Variants in RAD50 observed in about 807,000 individuals in gnomAD.
RAD50 encodes the protein RAD50 double strand break repair protein.
A neutral mutation model predicts 168.8 loss-of-function variants in RAD50; 132 were observed. That is an observed-to-expected ratio of 0.78 (90% confidence interval 0.68 to 0.90). RAD50 has a LOEUF of 0.90. Among genes scored for constraint, RAD50 ranks in the 40% least tolerant of loss-of-function variants. The pLI, the probability that RAD50 is intolerant of heterozygous loss-of-function variation, is 0.00. For synonymous variants in RAD50, 525 were observed against 497.4 expected (o/e 1.06, Z -0.74); for missense variants, 1,347 against 1,534.4 (o/e 0.88, Z 2.04).
At chr5:132,638,049 G>A (rs560211851) in intron 22 of RAD50, 32 bp from the exon 23 acceptor site, 3 of 1,610,002 alleles carry the variant, frequency 1.9e-6, no homozygotes, top group East Asian at 4.5e-5. Context: ...CAGAGCATAG[G>A]TTCCTCTAAA....
At chr5:132,596,150 C>T (rs1287522261) in intron 13 of RAD50, among the ~76,000 whole-genome samples, 1 of 152,068 alleles carries the variant, frequency 6.6e-6, no homozygotes, top group African/African-American at 2.4e-5. Context: ...TGTACCACCA[C>T]GCCCAGCTAA....
chr5:132,631,759 G>A (rs1751478727), intron 21 of RAD50, among the ~76,000 whole-genome samples: 1 of 152,176 alleles, frequency 6.6e-6, no homozygotes, highest in African/African-American at 2.4e-5. Flanking sequence ...AGGCTGGAGT[G>A]CAGTGCTATG....
In RAD50 at chr5:132,580,031, GT is replaced by G; in HGVS notation, c.722del (p.Val241AlafsTer11). 6.2e-7 allele frequency: 1 copy of G among 1,613,080 alleles called. No individual in the cohort carries two copies. The highest frequency in any genetic ancestry group is 1.7e-5 in the Admixed American group (1 of 60,016). On this transcript the variant is annotated frameshift_variant, in exon 5 of 25. Transcript: ENST00000378823. LOFTEE classifies it high-confidence loss of function. The part of the protein sequence containing the change: ...EAQLTSSKEI[V>X]KSYENELDPL... ...CCAGTTAACATCTTCAAAGGAAATT[GT>G]CAAATCCTATGAGAATGAACTTGAT...
intron 19 of RAD50, among the ~76,000 whole-genome samples, chr5:132,615,091 A>G (rs916506614): frequency 2.0e-5 from 3 of 152,318 alleles, no homozygotes; most frequent in Admixed American, 2.0e-4. Flanking sequence ...TAAGTTTTCT[A>G]TACACATGAT....
Position 132,587,722 on chromosome 5 carries a change from A to G in RAD50, c.885+32A>G, listed in dbSNP as rs368666560. On this transcript the variant is annotated intron_variant, in intron 6 of 24. Coordinates refer to ENST00000378823, the MANE Select transcript of RAD50 (RefSeq NM_005732.4). ...GGTGGTAGAATTTTGTTCTGCTTCA[A>G]AATTTTGGGATTATTGTAATGAACT... 17 of 1,612,970 alleles carry G rather than the reference A, an allele frequency of 1.1e-5. No individual in the cohort carries two copies. The African/African-American group carries it at 1.1e-4, about 10-fold the overall frequency.
Position 132,618,083 on chromosome 5 carries a change from T to A in RAD50, c.3178T>A (p.Leu1060Met), listed in dbSNP as rs864622614. 27 of 1,613,020 alleles carry A rather than the reference T, an allele frequency of 1.7e-5. No homozygotes were observed. The highest frequency in any genetic ancestry group is 2.2e-5 in the Non-Finnish European group (26 of 1,179,432). The change falls in exon 21 of 25, where the codon TTG becomes ATG. Residue 1060 changes from leucine (L) to methionine (M), a missense_variant. Leu to Met is a conservative substitution (Grantham distance 15). Around this residue, in one of 3 missense-constraint regions of RAD50, gnomAD observed 635 missense variants for 739.2 expected, o/e 0.86. Transcript: ENST00000378823. The stretch of plus-strand genomic sequence containing the variant: ...TCTTTTTTACAGTGAACATCAGAAG[T>A]TGGAAGAGAACATAGACAATATAAA... ...VLQMKSEHQKLEENIDNIKRN... is the reference protein window; with the variant it reads ...VLQMKSEHQKMEENIDNIKRN...
chr5:132,576,635 C>A (rs1233738852), intron 3 of RAD50, among the ~76,000 whole-genome samples: 1 of 152,188 alleles, frequency 6.6e-6, no homozygotes, highest in Non-Finnish European at 1.5e-5. Context: ...ACTCAAGTAT[C>A]TCTCATACCC....
chr5:132,572,106 C>T (rs1750317208), intron 2 of RAD50, among the ~76,000 whole-genome samples: 1 of 152,034 alleles, frequency 6.6e-6, no homozygotes, highest in Non-Finnish European at 1.5e-5. Flanking sequence ...TAATTTGCCA[C>T]AGTAATAGAA....
chr5:132,573,485 A>T (rs1455939960), intron 2 of RAD50, among the ~76,000 whole-genome samples: 1 of 152,174 alleles, frequency 6.6e-6, no homozygotes, highest in Non-Finnish European at 1.5e-5. Context: ...GGTTTCTCCC[A>T]CAACACATGG....
intron 21 of RAD50, among the ~76,000 whole-genome samples, chr5:132,624,800 C>T (rs966049067): frequency 3.4e-5 from 5 of 146,662 alleles, no homozygotes; most frequent in African/African-American, 7.8e-5. Context: ...CTCAGAAGCC[C>T]GTGGCGGGTT....
At chr5:132,641,040 G>C (rs1170308485) in intron 24 of RAD50, among the ~76,000 whole-genome samples, 1 of 152,136 alleles carries the variant, frequency 6.6e-6, no homozygotes, top group African/African-American at 2.4e-5. Context: ...ACATCCTGCA[G>C]CTCCCCAAGT....
In RAD50 at chr5:132,604,649, G is replaced by A. The variant is rs2522391; in HGVS notation, c.2525-157G>A. On this transcript the variant is annotated intron_variant, in intron 15 of 24. Coordinates refer to ENST00000378823, the MANE Select transcript of RAD50 (RefSeq NM_005732.4). ...AGCAGGGAACATCAAGCTGATTTGA[G>A]AACTAGCAGGGTTCTCATTGTATTT... 0.069 allele frequency among the ~76,000 whole-genome samples: 10,469 copies of A among 152,206 alleles called. 1,129 individuals are homozygous for A. The highest frequency in any genetic ancestry group is 0.23 in the African/African-American group (9,626 of 41,494).
Position 132,644,844 on chromosome 5 carries a change from C to G in RAD50, c.*2480C>G, listed in dbSNP as rs988195577. 1.3e-5 allele frequency: 2 copies of G among 153,526 alleles called. No individual in the cohort carries two copies. The highest frequency in any genetic ancestry group is 1.3e-4 in the Admixed American group (2 of 15,318). 9.5% of individuals were successfully genotyped at this position (153,526 alleles called of 1,614,324 possible). On this transcript the variant is annotated 3_prime_UTR_variant, in exon 25 of 25. Coordinates refer to ENST00000378823, the MANE Select transcript of RAD50 (RefSeq NM_005732.4). ...GGAGTGCAATGGCACCATCTCAGCT[C>G]ACTGCAACCTCTGCCTCCCTGATAC... is the stretch of plus-strand genomic sequence containing the variant.
intron 4 of RAD50, 139 bp from the exon 5 acceptor site, chr5:132,579,723 C>A: frequency 1.1e-6 from 1 of 887,048 alleles, no homozygotes; most frequent in South Asian, 1.6e-5. Context: ...TTTCACTTAC[C>A]ATTATGTCAT....
chr5:132,632,470 G>A (rs1751493449), intron 21 of RAD50, among the ~76,000 whole-genome samples: 1 of 152,136 alleles, frequency 6.6e-6, no homozygotes. Flanking sequence ...TCACAAGGTA[G>A]ATATTTTTCT....
chr5:132,588,732 C>A lies in RAD50; in HGVS notation c.1097C>A (p.Ala366Asp), dbSNP rs1580992732. Reference protein sequence around the residue: ...QADRHQEHIRARDSLIQSLAT... With the variant: ...QADRHQEHIRDRDSLIQSLAT... ...GATCGCCATCAAGAACATATCCGAG[C>A]TAGAGATTCATTAATTCAGTCTTTG... The change falls in exon 8 of 25, where the codon GCT becomes GAT. Residue 366 changes from alanine to aspartate, a missense_variant. By Grantham distance (126) the Ala-to-Asp change is moderately radical. This residue lies in a region of RAD50 where 703 missense variants were observed against 767.7 expected (regional missense o/e 0.92). Coordinates refer to ENST00000378823, the MANE Select transcript of RAD50 (RefSeq NM_005732.4). 7 of 1,613,702 alleles carry A rather than the reference C, an allele frequency of 4.3e-6. No individual in the cohort carries two copies. The highest frequency in any genetic ancestry group is 5.9e-6 in the Non-Finnish European group (7 of 1,179,898).
intron 17 of RAD50, among the ~76,000 whole-genome samples, 177 bp from the exon 18 acceptor site, chr5:132,608,940 G>T (rs985529974): frequency 6.6e-6 from 1 of 152,168 alleles, no homozygotes; most frequent in Non-Finnish European, 1.5e-5. Flanking sequence ...GTTAAGAAAT[G>T]AGACTAATTA....
chr5:132,635,497 TG>T (rs1382752361), intron 21 of RAD50, among the ~76,000 whole-genome samples: 1 of 152,176 alleles, frequency 6.6e-6, no homozygotes, highest in Non-Finnish European at 1.5e-5. Flanking sequence ...CACTCTTTGG[TG>T]GGTTGAGACC....
chr5:132,642,960 C>CTAAG lies in RAD50; in HGVS notation c.*598_*601dup, dbSNP rs1554101373. The CTAAG allele has an allele frequency of 3.9e-6, 2 of 508,118 alleles. No individual in the cohort carries two copies. The highest frequency in any genetic ancestry group is 3.8e-5 in the African/African-American group (2 of 52,238). 31.5% of individuals were successfully genotyped at this position (508,118 alleles called of 1,614,324 possible). ...TTTGACAGGAACCTTAAGTAATCATCTAAGTCAGTACCCACCACCTTCTTC... is the reference window on the plus strand; with the variant it reads ...TTTGACAGGAACCTTAAGTAATCATCTAAGTAAGTCAGTACCCACCACCTTCTTC... On this transcript the variant is annotated 3_prime_UTR_variant, in exon 25 of 25. Coordinates refer to ENST00000378823, the MANE Select transcript of RAD50 (RefSeq NM_005732.4).
Sources: allele counts gnomAD v4.1 joint callset (sites outside exome capture counted in the v4.1 genomes callset), GRCh38; gene constraint gnomAD v4.1.1; regional missense constraint gnomAD v4.1.1; transcripts MANE v1.5; gene names NCBI Gene and HGNC (gene_info 2026-07-23, HGNC 2026-07-21).